LARGE1: variants seen among roughly 807,000 people sequenced by gnomAD.
LARGE1 encodes xylosyl- and glucuronyltransferase LARGE1.
Under a neutral mutation model 87.6 loss-of-function variants are expected in LARGE1, and 43 were observed. The observed-to-expected ratio is 0.49, with a 90% CI of 0.38 to 0.63. LARGE1 has a LOEUF of 0.63. Among genes scored for constraint, LARGE1 ranks in the 30% least tolerant of loss-of-function variants. The probability of loss-of-function intolerance (pLI) is 0.00; values close to 1 mark genes in which losing one functional copy is unlikely to be tolerated. For synonymous variants in LARGE1, 434 were observed against 394.6 expected (o/e 1.10, Z -1.18); for missense variants, 802 against 1,000.2 (o/e 0.80, Z 2.67).
intron 9 of LARGE1, among the ~76,000 whole-genome samples, chr22:33,357,530 C>T (rs1162521762): frequency 1.3e-5 from 2 of 152,092 alleles, no homozygotes; most frequent in African/African-American, 4.8e-5. Context: ...CCCAGTGGCT[C>T]ATACCTGTAA....
At chr22:33,803,706 CACTT>C (rs2086230324) in intron 1 of LARGE1, among the ~76,000 whole-genome samples, 1 of 152,324 alleles carries the variant, frequency 6.6e-6, no homozygotes, top group East Asian at 1.9e-4. Context: ...ACACAGGACA[CACTT>C]AATTCCTCCA....
chr22:33,302,114 CT>C (rs2146128157), intron 12 of LARGE1, among the ~76,000 whole-genome samples: 1 of 152,342 alleles, frequency 6.6e-6, no homozygotes, highest in East Asian at 1.9e-4. Context: ...CATCATCTAT[CT>C]GTTCCCTTGG....
intron 3 of LARGE1, among the ~76,000 whole-genome samples, chr22:33,645,366 G>A (rs1331148786): frequency 6.6e-6 from 1 of 152,142 alleles, no homozygotes; most frequent in African/African-American, 2.4e-5. Flanking sequence ...TTAATAAATG[G>A]TGCTGGAAAA....
At chr22:33,089,347 TCTTCTTCTTCTTCTTCTTCTTCTC>T in the LARGE1 span, among the ~76,000 whole-genome samples, 249 of 82,436 alleles carry the variant, frequency 3.0e-3, 2 homozygotes, top group African/African-American at 0.011. Context: ...TTCTTCTTCT[TCTTCTTCTTCTTCTTCTTCTTCTC>T]CTTCTTCTTC....
chr22:33,672,839 G>A (rs60018166), intron 2 of LARGE1, among the ~76,000 whole-genome samples: 13,880 of 152,214 alleles, frequency 0.091, 853 homozygotes, highest in African/African-American at 0.17. Context: ...TATGCCAGGT[G>A]CTGAAGACAG....
downstream of LARGE1, among the ~76,000 whole-genome samples, chr22:33,267,523 TTAC>T (rs1602173510): frequency 6.6e-6 from 1 of 151,696 alleles, no homozygotes. Context: ...TGCCTTTCGC[TTAC>T]TACAAGATGC....
intron 6 of LARGE1, among the ~76,000 whole-genome samples, chr22:33,461,037 AC>A (rs1262329238): frequency 6.6e-6 from 1 of 152,204 alleles, no homozygotes; most frequent in Non-Finnish European, 1.5e-5. Context: ...ATTTCCAAGA[AC>A]ACGAACTTAC....
chr22:33,357,590 T>C (rs1454108030), intron 9 of LARGE1, among the ~76,000 whole-genome samples: 1 of 151,716 alleles, frequency 6.6e-6, no homozygotes, highest in African/African-American at 2.4e-5. Flanking sequence ...AGGTCGGGAG[T>C]TTGAGACCAG....
chr22:33,402,425 TCTGA>T (rs1186910113), intron 7 of LARGE1, among the ~76,000 whole-genome samples: 4 of 152,198 alleles, frequency 2.6e-5, no homozygotes, highest in Non-Finnish European at 4.4e-5. Context: ...TTGCTGCTTC[TCTGA>T]CTAATTTGGG....
intron 11 of LARGE1, among the ~76,000 whole-genome samples, chr22:33,178,206 A>G (rs571338220): frequency 1.3e-5 from 2 of 152,216 alleles, no homozygotes; most frequent in Non-Finnish European, 2.9e-5. Flanking sequence ...ATGAGTTTCC[A>G]AAAGATATTG....
chr22:33,113,454 G>A, the LARGE1 span, among the ~76,000 whole-genome samples: 3 of 152,168 alleles, frequency 2.0e-5, no homozygotes, highest in South Asian at 2.1e-4. Context: ...TGATCCACCC[G>A]CCTTGACCTC....
At chr22:33,535,802 A>G (rs995196915) in intron 6 of LARGE1, among the ~76,000 whole-genome samples, 1 of 151,938 alleles carries the variant, frequency 6.6e-6, no homozygotes, top group African/African-American at 2.4e-5. Context: ...GGGATCGCTG[A>G]TCTGTGATGT....
intron 2 of LARGE1, chr22:33,726,261 C>T (rs1358286911): frequency 6.6e-6 from 1 of 152,144 alleles, no homozygotes; most frequent in African/African-American, 2.4e-5. Context: ...AATGGGAAAA[C>T]TGGGAAATAT....
intron 1 of LARGE1, chr22:33,856,756 G>A (rs2063766706): frequency 6.6e-6 from 1 of 152,156 alleles, no homozygotes; most frequent in Non-Finnish European, 1.5e-5. Flanking sequence ...CACGACAGGT[G>A]CTTTACAAAC....
At chr22:33,172,684 T>G (rs1427109009) in intron 11 of LARGE1, among the ~76,000 whole-genome samples, 1 of 152,076 alleles carries the variant, frequency 6.6e-6, no homozygotes. Flanking sequence ...AAGATTATAG[T>G]GCTCTATTCG....
At chr22:33,736,533 C>T (rs1255887111) in intron 2 of LARGE1, among the ~76,000 whole-genome samples, 3 of 152,226 alleles carry the variant, frequency 2.0e-5, no homozygotes, top group Non-Finnish European at 4.4e-5. Context: ...CTATTCTGTA[C>T]ATAAGTCCCT....
In LARGE1 at chr22:33,697,449, C is replaced by T. The variant is rs76250018; in HGVS notation, c.107-46781G>A. Among the ~76,000 whole-genome samples the T allele has an allele frequency of 2.0e-4, 28 of 140,532 alleles. No homozygotes were observed. In the East Asian group the frequency reaches 6.1e-3, roughly 31 times the overall value. The allele number at this position is 140,532 out of a possible 152,430, so 92.2% of individuals were successfully genotyped here. A position where few individuals can be genotyped will look rare whatever the true frequency, so the allele number is the denominator to read the frequency against. ...TAGTGGCTCATGCCTACAATCCCAG[C>T]ACTTTGGGAGCCCAAGGCGGGCGGA... On this transcript the variant is annotated intron_variant, in intron 2 of 14. Coordinates refer to ENST00000397394, the MANE Select transcript of LARGE1 (RefSeq NM_133642.5).
intron 1 of LARGE1, among the ~76,000 whole-genome samples, chr22:33,888,660 A>C (rs1782751448): frequency 6.6e-6 from 1 of 152,170 alleles, no homozygotes; most frequent in African/African-American, 2.4e-5. Context: ...CTTAGAAACC[A>C]GCCTGGGCAA....
At chr22:33,337,885 C>G in intron 9 of LARGE1, 84 bp from the exon 10 acceptor site, 1 of 1,404,268 alleles carries the variant, frequency 7.1e-7, no homozygotes, top group Non-Finnish European at 1.0e-6. Context: ...TGGCTCAGCA[C>G]TGGGCTAAGC....
Sources: allele counts gnomAD v4.1 joint callset (sites outside exome capture counted in the v4.1 genomes callset), GRCh38; gene constraint gnomAD v4.1.1; transcripts MANE v1.5; gene names NCBI Gene and HGNC (gene_info 2026-07-23, HGNC 2026-07-21).